HS1BP3: variants seen among roughly 807,000 people sequenced by gnomAD.
The protein encoded by HS1BP3 is HCLS1 binding protein 3.
A neutral mutation model predicts 33.5 loss-of-function variants in HS1BP3; 32 were observed. That is an observed-to-expected ratio of 0.95 (90% CI 0.72 to 1.28). The LOEUF is 1.28. HS1BP3 is among the 50% of genes most tolerant of loss of function. HS1BP3 has a pLI of 0.00. For missense variants in HS1BP3, 486 were observed against 502.3 expected (o/e 0.97, Z 0.31); for synonymous variants, 187 against 209.2 (o/e 0.89, Z 0.92).
chr2:20,618,240 G>A lies in HS1BP3; in HGVS notation c.*747C>T, dbSNP rs1694478403. 1 of 152,332 alleles carries A rather than the reference G, an allele frequency of 6.6e-6. No individual in the cohort carries two copies. Among genetic ancestry groups the A allele is most frequent in the Non-Finnish European group, 1.5e-5 (1 of 68,134 alleles). 9.4% of individuals were successfully genotyped at this position (152,332 alleles called of 1,614,324 possible). ...GGGAAAGGGGGAAGGAGGAAGAACT[G>A]GGGCCTAGCAGGGCCGTCTATACCC... On this transcript the variant is annotated 3_prime_UTR_variant, in exon 7 of 7. Transcript: ENST00000304031.
chr2:20,569,037 C>T lies in HS1BP3; in HGVS notation c.303-8522G>A, dbSNP rs115221710. Among the ~76,000 whole-genome samples, 1,290 of 152,200 alleles carry T rather than the reference C, an allele frequency of 8.5e-3. 18 individuals carry two copies. Among genetic ancestry groups the T allele is most frequent in the African/African-American group, 0.03 (1,229 of 41,504 alleles). On this transcript the variant is annotated intron_variant, in intron 5 of 5. Transcript: ENST00000446825. The stretch of plus-strand genomic sequence containing the variant: ...GGTCGACTTCGGGCACCAATGAGCC[C>T]GGCAGCTAGGAATGACATGATCAGC...
At chr2:20,562,372 G>T (rs1435848) in intron 5 of HS1BP3, among the ~76,000 whole-genome samples, 1 of 152,160 alleles carries the variant, frequency 6.6e-6, no homozygotes, top group Non-Finnish European at 1.5e-5. Context: ...CCAGCTGCTT[G>T]GGAGGCTGAG....
At chr2:20,649,069 C>G (rs547119558) in intron 1 of HS1BP3, among the ~76,000 whole-genome samples, 1 of 152,356 alleles carries the variant, frequency 6.6e-6, no homozygotes, top group South Asian at 2.1e-4. Context: ...GTCCTGAATG[C>G]TCAGCTCGGC....
At chr2:20,573,573 A>G (rs1026186193) in intron 5 of HS1BP3, among the ~76,000 whole-genome samples, 5 of 152,208 alleles carry the variant, frequency 3.3e-5, no homozygotes, top group African/African-American at 1.2e-4. Flanking sequence ...GGCTGGGCCA[A>G]CAGCTCTAAA....
chr2:20,632,247 C>T (rs1435128311), intron 4 of HS1BP3, among the ~76,000 whole-genome samples: 2 of 152,236 alleles, frequency 1.3e-5, no homozygotes, highest in Admixed American at 6.5e-5. Context: ...TGGCCGACAC[C>T]TCCCTGGTCG....
chr2:20,620,222 CTG>C (rs1430116998), intron 6 of HS1BP3, among the ~76,000 whole-genome samples: 1 of 152,248 alleles, frequency 6.6e-6, no homozygotes, highest in African/African-American at 2.4e-5. Flanking sequence ...TCTCCAAACA[CTG>C]TGTGGTCGCA....
At chr2:20,595,665 T>C (rs1693926798) in intron 3 of HS1BP3, among the ~76,000 whole-genome samples, 2 of 152,340 alleles carry the variant, frequency 1.3e-5, no homozygotes, top group African/African-American at 4.8e-5. Context: ...AGGTCTATCT[T>C]TGGTTCCTGC....
At chr2:20,595,261 T>C (rs1199443085) in intron 3 of HS1BP3, among the ~76,000 whole-genome samples, 1 of 152,134 alleles carries the variant, frequency 6.6e-6, no homozygotes, top group Non-Finnish European at 1.5e-5. Flanking sequence ...GAGCTGTGTC[T>C]ACCCTGGGAC....
At chr2:20,567,300 C>T (rs1693153744) in intron 5 of HS1BP3, among the ~76,000 whole-genome samples, 1 of 152,194 alleles carries the variant, frequency 6.6e-6, no homozygotes. Context: ...TAAGGTGCTG[C>T]TTCTAGAACA....
chr2:20,646,700 C>A (rs574006464), intron 1 of HS1BP3, among the ~76,000 whole-genome samples: 5 of 152,266 alleles, frequency 3.3e-5, no homozygotes, highest in Non-Finnish European at 5.9e-5. Flanking sequence ...CCTCTGCCAA[C>A]GGCACCGAGT....
At chr2:20,648,219 C>A (rs1483702037) in intron 1 of HS1BP3, among the ~76,000 whole-genome samples, 1 of 152,234 alleles carries the variant, frequency 6.6e-6, no homozygotes, top group Non-Finnish European at 1.5e-5. Flanking sequence ...AAAAGCTGTG[C>A]TTTGACCCGA....
chr2:20,648,348 G>C lies in HS1BP3; in HGVS notation c.32+2684C>G, dbSNP rs557231493. On this transcript the variant is annotated intron_variant, in intron 1 of 6. Transcript: ENST00000304031. ...TTGAACCCTTTCCAGCCAGACTTTG[G>C]TCCTCATCATGCAACAAACTGCCCA... Among the ~76,000 whole-genome samples, 5 of 152,150 alleles carry C rather than the reference G, an allele frequency of 3.3e-5. No homozygotes were observed. The East Asian group carries it at 7.7e-4, about 24-fold the overall frequency.
At chr2:20,566,902 T>G (rs914862487) in intron 5 of HS1BP3, among the ~76,000 whole-genome samples, 13 of 152,106 alleles carry the variant, frequency 8.5e-5, no homozygotes, top group Admixed American at 2.6e-4. Flanking sequence ...CCACCAAGGC[T>G]GGCCCCCCAC....
chr2:20,647,036 T>C (rs1327425630), intron 1 of HS1BP3, among the ~76,000 whole-genome samples: 2 of 152,098 alleles, frequency 1.3e-5, no homozygotes, highest in African/African-American at 4.8e-5. Flanking sequence ...AGGCATCATT[T>C]CTTTAGGATC....
chr2:20,624,959 C>G, intron 4 of HS1BP3, 67 bp from the exon 5 acceptor site: 3 of 1,566,842 alleles, frequency 1.9e-6, no homozygotes, highest in Non-Finnish European at 2.6e-6. Flanking sequence ...CCGGTCAGAC[C>G]GACACAGGCG....
At chr2:20,589,397 G>T (rs1302274063), downstream of HS1BP3, among the ~76,000 whole-genome samples, 1 of 152,174 alleles carries the variant, frequency 6.6e-6, no homozygotes, top group Non-Finnish European at 1.5e-5. Context: ...ATGACCTAAA[G>T]GCCGAGCTTT....
chr2:20,580,344 C>A (rs1693503781), intron 5 of HS1BP3, among the ~76,000 whole-genome samples: 2 of 152,150 alleles, frequency 1.3e-5, no homozygotes. Context: ...CACAGTGAAA[C>A]CTCGTCTCTA....
chr2:20,638,276 ACTTC>A, intron 4 of HS1BP3, 156 bp downstream of exon 4: 1 of 656,540 alleles, frequency 1.5e-6, no homozygotes. Context: ...GCAGAGAGCT[ACTTC>A]CCCCAACACA....
intron 2 of HS1BP3, among the ~76,000 whole-genome samples, chr2:20,599,447 T>A (rs909962565): frequency 6.6e-6 from 1 of 152,116 alleles, no homozygotes; most frequent in Non-Finnish European, 1.5e-5. Context: ...GGCAGGCAAA[T>A]GAGCTTTAGG....
Sources: gnomAD v4.1 joint callset for allele counts (sites outside exome capture counted in the v4.1 genomes callset) on GRCh38, gnomAD v4.1.1 for gene constraint, MANE v1.5 for transcripts, NCBI Gene and HGNC (gene_info 2026-07-23, HGNC 2026-07-21) for gene names.